Variants in ZNRF1 observed in about 807,000 individuals in gnomAD.
The protein encoded by ZNRF1 is E3 ubiquitin-protein ligase ZNRF1.
In ZNRF1, 3 loss-of-function variants were observed where a neutral mutation model predicts 18.4. The ratio of observed to expected loss-of-function variants is 0.16; its 90% CI spans 0.07 to 0.42. The LOEUF is 0.42. ZNRF1 is among the 10% of genes least tolerant of loss of function. The probability of loss-of-function intolerance (pLI) is 0.99; values close to 1 mark genes in which losing one functional copy is unlikely to be tolerated. For missense variants in ZNRF1, 310 were observed against 329.8 expected, an observed-to-expected ratio of 0.94 and a Z score of 0.47; for synonymous variants, 157 against 144.2, an observed-to-expected ratio of 1.09 and a Z score of -0.64.
chr16:75,062,592 T>C (rs960330001), intron 1 of ZNRF1, among the ~76,000 whole-genome samples: 72 of 152,380 alleles, frequency 4.7e-4, no homozygotes, highest in African/African-American at 1.6e-3. Context: ...GACGCCCCCT[T>C]ATCAGGCTTC....
rs554710184 is a variant in ZNRF1, at chr16:74,999,692, G to A, written c.21G>A (p.Thr7=). Residue 7 remains threonine, a synonymous_variant, in exon 1 of 5, where the codon ACG becomes ACA. Coordinates refer to ENST00000335325, the MANE Select transcript of ZNRF1 (RefSeq NM_032268.5). ...CGAGCATGGGGGGCAAGCAGAGCAC[G>A]GCGGCCCGCTCCCGGGGCCCCTTCC... MGGKQS[T]AARSRGPFPG... is the part of the protein sequence containing the mutation. 1.5e-6 allele frequency: 2 copies of A among 1,360,338 alleles called. No homozygotes were observed. The highest frequency in any genetic ancestry group is 1.9e-6 in the Non-Finnish European group (2 of 1,062,906). 84.3% of individuals were successfully genotyped at this position (1,360,338 alleles called of 1,614,324 possible).
At chr16:75,105,987 ACCC>A in intron 3 of ZNRF1, 2 of 158,792 alleles carry the variant, frequency 1.3e-5, no homozygotes, top group East Asian at 3.6e-4. Context: ...CTAAGAGGTC[ACCC>A]ACTGGGAGGG....
In ZNRF1 at chr16:75,056,961, A is replaced by G. The variant is rs111450772; in HGVS notation, c.425-36611A>G. Among the ~76,000 whole-genome samples, 427 of 152,294 alleles carry G rather than the reference A, an allele frequency of 2.8e-3. 1 individual carries two copies. The highest frequency in any genetic ancestry group is 5.0e-3 in the Non-Finnish European group (340 of 68,028). ...CAGGAAAAGACTTTTTAATGCCACT[A>G]GATTCCTCTCCTGATGCATTCAGGC... is the stretch of plus-strand genomic sequence containing the variant. On this transcript the variant is annotated intron_variant, in intron 1 of 4. Coordinates refer to ENST00000335325, the MANE Select transcript of ZNRF1 (RefSeq NM_032268.5).
intron 1 of ZNRF1, among the ~76,000 whole-genome samples, chr16:75,008,061 T>A (rs2034945919): frequency 6.6e-6 from 1 of 151,902 alleles, no homozygotes; most frequent in African/African-American, 2.4e-5. Context: ...CTTTTTTCGG[T>A]AGAGAAGGGG....
chr16:75,040,613 T>A (rs1446047981), intron 1 of ZNRF1, among the ~76,000 whole-genome samples: 1 of 139,456 alleles, frequency 7.2e-6, no homozygotes, highest in Non-Finnish European at 1.5e-5. Context: ...TTTTTTTTTT[T>A]TTTTTTTTTT....
intron 1 of ZNRF1, among the ~76,000 whole-genome samples, chr16:75,092,021 A>T (rs1373475770): frequency 1.3e-5 from 2 of 152,118 alleles, no homozygotes; most frequent in African/African-American, 4.8e-5. Context: ...GGAAGTGGCC[A>T]GGTGCGGTGG....
At chr16:75,000,266 T>A in intron 1 of ZNRF1, 171 bp downstream of exon 1, 1 of 1,029,456 alleles carries the variant, frequency 9.7e-7, no homozygotes, top group South Asian at 1.4e-5. Flanking sequence ...GAAACTAGGC[T>A]TTCTGCGAGG....
At chr16:75,090,092 G>A (rs1435040792) in intron 1 of ZNRF1, among the ~76,000 whole-genome samples, 1 of 152,160 alleles carries the variant, frequency 6.6e-6, no homozygotes, top group African/African-American at 2.4e-5. Context: ...AAGTTAAAGT[G>A]CAGGTGTCCT....
rs1170735516 is a variant in ZNRF1, at chr16:75,108,212, T to G, written c.*512T>G. On this transcript the variant is annotated 3_prime_UTR_variant, in exon 5 of 5. Coordinates refer to ENST00000335325, the MANE Select transcript of ZNRF1 (RefSeq NM_032268.5). ...CTCTCCACCACCAACTTCTCTACTT[T>G]GGGTTTGTTTGGTTTTTTCCCTCTA... is the stretch of plus-strand genomic sequence containing the variant. 5.6e-6 allele frequency: 1 copy of G among 177,460 alleles called. No homozygotes were observed. Among genetic ancestry groups the G allele is most frequent in the Non-Finnish European group, 1.2e-5 (1 of 84,058 alleles). 11.0% of individuals were successfully genotyped at this position (177,460 alleles called of 1,614,324 possible).
chr16:75,108,697 G>A lies in ZNRF1; in HGVS notation c.*997G>A, dbSNP rs1055401234. 1.8e-5 allele frequency: 7 copies of A among 397,004 alleles called. No homozygotes were observed. The highest frequency in any genetic ancestry group is 6.2e-5 in the African/African-American group (3 of 48,602). 24.6% of individuals were successfully genotyped at this position (397,004 alleles called of 1,614,324 possible). ...AGGTGTTTTGATATGGTATTAAAAT[G>A]TCTAATAAAAGATGGCACTGCGTGA... On this transcript the variant is annotated 3_prime_UTR_variant, in exon 5 of 5. Coordinates refer to ENST00000335325, the MANE Select transcript of ZNRF1 (RefSeq NM_032268.5).
intron 2 of ZNRF1, among the ~76,000 whole-genome samples, chr16:75,100,256 G>C (rs1397211928): frequency 6.6e-6 from 1 of 152,212 alleles, no homozygotes; most frequent in Non-Finnish European, 1.5e-5. Context: ...GCACAACACT[G>C]CACTGTGCAT....
chr16:75,006,368 T>C (rs963489621), intron 1 of ZNRF1, among the ~76,000 whole-genome samples: 4 of 152,224 alleles, frequency 2.6e-5, no homozygotes, highest in Admixed American at 2.0e-4. Context: ...AGTGGATCAC[T>C]AAGGTTGTGG....
At chr16:75,083,629 G>T (rs2036041135) in intron 1 of ZNRF1, among the ~76,000 whole-genome samples, 1 of 152,176 alleles carries the variant, frequency 6.6e-6, no homozygotes, top group South Asian at 2.1e-4. Context: ...CAAGTGCCTA[G>T]ATTGCAGTTG....
At chr16:75,046,374 C>T (rs998502008) in intron 1 of ZNRF1, among the ~76,000 whole-genome samples, 6 of 151,806 alleles carry the variant, frequency 4.0e-5, no homozygotes, top group Non-Finnish European at 7.4e-5. Flanking sequence ...ACCTCAGCCT[C>T]CCAAGTAGCT....
intron 1 of ZNRF1, among the ~76,000 whole-genome samples, chr16:75,023,406 G>A (rs149345119): frequency 5.9e-5 from 9 of 152,288 alleles, no homozygotes; most frequent in East Asian, 3.9e-4. Flanking sequence ...ACACCAGGCC[G>A]GACGCAGTGG....
chr16:75,039,549 C>T (rs1200044721), intron 1 of ZNRF1, among the ~76,000 whole-genome samples: 1 of 152,192 alleles, frequency 6.6e-6, no homozygotes, highest in African/African-American at 2.4e-5. Flanking sequence ...AAGATTCTCC[C>T]TGATACTTGT....
At chr16:75,059,229 C>CTTTTTTTTTTTTTTCTTTT (rs2035709085) in intron 1 of ZNRF1, among the ~76,000 whole-genome samples, 6 of 92,878 alleles carry the variant, frequency 6.5e-5, no homozygotes, top group African/African-American at 1.1e-4. Flanking sequence ...TTCTTTCTTT[C>CTTTTTTTTTTTTTTCTTTT]TTTTTTTTTT....
chr16:75,032,308 C>T (rs1029810214), intron 1 of ZNRF1, among the ~76,000 whole-genome samples: 2 of 119,384 alleles, frequency 1.7e-5, no homozygotes, highest in African/African-American at 5.0e-5. Flanking sequence ...GGGGTTTCAC[C>T]ATGTTGGCCA....
intron 1 of ZNRF1, among the ~76,000 whole-genome samples, chr16:75,029,940 G>A (rs1158133938): frequency 6.6e-6 from 1 of 151,684 alleles, no homozygotes; most frequent in Non-Finnish European, 1.5e-5. Context: ...GTGAATGCTT[G>A]TAATCCCAGC....
Sources: gnomAD v4.1 joint callset for allele counts (sites outside exome capture counted in the v4.1 genomes callset) on GRCh38, gnomAD v4.1.1 for gene constraint, MANE v1.5 for transcripts, NCBI Gene and HGNC (gene_info 2026-07-23, HGNC 2026-07-21) for gene names.